Variants in MDGA2 observed in about 807,000 individuals in gnomAD.
The protein encoded by MDGA2 is MAM domain containing glycosylphosphatidylinositol anchor 2, also known as MAM domain-containing glycosylphosphatidylinositol anchor protein 2.
In MDGA2, 40 loss-of-function variants were observed where a neutral mutation model predicts 117.8. The ratio of observed to expected loss-of-function variants is 0.34; its 90% confidence interval spans 0.26 to 0.44. MDGA2 has a LOEUF of 0.44. MDGA2 is among the 20% of genes least tolerant of loss of function. The probability of loss-of-function intolerance (pLI) is 1.00; values close to 1 mark genes in which losing one functional copy is unlikely to be tolerated. For missense variants in MDGA2, 1,123 were observed against 1,250.6 expected (o/e 0.90, Z 1.54); for synonymous variants, 452 against 439.0 (o/e 1.03, Z -0.37).
At chr14:47,587,679 TTTTA>T (rs1896351401) in intron 1 of MDGA2, among the ~76,000 whole-genome samples, 1 of 151,964 alleles carries the variant, frequency 6.6e-6, no homozygotes. Context: ...TTGCCCTGAA[TTTTA>T]TTTTTTAACA....
At chr14:46,873,315 T>G (rs1882090398) in intron 14 of MDGA2, 118 bp downstream of exon 14, 2 of 890,694 alleles carry the variant, frequency 2.2e-6, no homozygotes, top group Middle Eastern at 2.8e-4. Flanking sequence ...ATAAATCATT[T>G]AAAAAGTGAA....
At chr14:47,177,297 C>G (rs935155594) in intron 3 of MDGA2, among the ~76,000 whole-genome samples, 1 of 152,276 alleles carries the variant, frequency 6.6e-6, no homozygotes, top group African/African-American at 2.4e-5. Flanking sequence ...CATCCCATTA[C>G]TGGGTATATA....
At chr14:47,244,010 T>A (rs1887157190) in intron 2 of MDGA2, among the ~76,000 whole-genome samples, 1 of 151,860 alleles carries the variant, frequency 6.6e-6, no homozygotes, top group African/African-American at 2.4e-5. Context: ...AATCTATTCC[T>A]ACCCCTGATG....
intron 1 of MDGA2, among the ~76,000 whole-genome samples, chr14:47,384,431 A>T (rs555845197): frequency 1.3e-5 from 2 of 151,994 alleles, no homozygotes; most frequent in South Asian, 4.2e-4. Context: ...TTCCTCAAGC[A>T]GCAGTTTTCC....
chr14:47,106,441 A>C (rs183776074), intron 5 of MDGA2, among the ~76,000 whole-genome samples: 8,640 of 151,328 alleles, frequency 0.057, 702 homozygotes, highest in East Asian at 0.45. Flanking sequence ...ACCTCCTCCC[A>C]CAGGAGCTTG....
chr14:47,210,517 T>C (rs893188073), intron 3 of MDGA2, among the ~76,000 whole-genome samples: 35 of 152,200 alleles, frequency 2.3e-4, no homozygotes, highest in Non-Finnish European at 4.4e-4. Context: ...TTAAATGTCC[T>C]CAAGAATCTT....
chr14:47,258,907 A>G (rs566664172), intron 2 of MDGA2, among the ~76,000 whole-genome samples: 23 of 152,180 alleles, frequency 1.5e-4, no homozygotes, highest in Admixed American at 5.2e-4. Context: ...CAAGCTACAA[A>G]AAGAATATAC....
chr14:47,148,023 A>G (rs1347819612), intron 3 of MDGA2, among the ~76,000 whole-genome samples: 1 of 152,128 alleles, frequency 6.6e-6, no homozygotes. Context: ...GACTCACTGC[A>G]TTAACTGGGT....
intron 1 of MDGA2, among the ~76,000 whole-genome samples, chr14:47,508,284 C>T (rs1306670651): frequency 1.3e-5 from 2 of 150,796 alleles, no homozygotes; most frequent in Non-Finnish European, 2.9e-5. Flanking sequence ...GAGCATGCTT[C>T]CTGTAAAAAT....
intron 10 of MDGA2, among the ~76,000 whole-genome samples, chr14:46,916,454 C>T (rs998875241): frequency 6.6e-6 from 1 of 151,266 alleles, no homozygotes; most frequent in African/African-American, 2.4e-5. Flanking sequence ...TCCATTAATG[C>T]CTTTGTTTCC....
chr14:47,022,189 A>G (rs988748545), intron 8 of MDGA2, among the ~76,000 whole-genome samples: 2 of 152,116 alleles, frequency 1.3e-5, no homozygotes, highest in African/African-American at 4.8e-5. Flanking sequence ...AGGCTCAGGT[A>G]AGTCTTCCAC....
chr14:47,018,180 C>G (rs1256222792), intron 8 of MDGA2, among the ~76,000 whole-genome samples: 1 of 151,108 alleles, frequency 6.6e-6, no homozygotes, highest in Non-Finnish European at 1.5e-5. Flanking sequence ...TTTAAAGAAA[C>G]GCCTTTATTA....
At chr14:47,209,299 T>C (rs1352723854) in intron 3 of MDGA2, among the ~76,000 whole-genome samples, 2 of 152,152 alleles carry the variant, frequency 1.3e-5, no homozygotes, top group Admixed American at 6.6e-5. Flanking sequence ...AGGTCATCAG[T>C]TAACATTGCA....
At chr14:47,335,734 T>TTATA (rs1555374514) in intron 1 of MDGA2, among the ~76,000 whole-genome samples, 1 of 48,028 alleles carries the variant, frequency 2.1e-5, no homozygotes, top group African/African-American at 7.4e-5. Flanking sequence ...CACATATATT[T>TTATA]TATATATATA....
chr14:47,480,019 T>A (rs1470885113), intron 1 of MDGA2, among the ~76,000 whole-genome samples: 1 of 152,120 alleles, frequency 6.6e-6, no homozygotes, highest in African/African-American at 2.4e-5. Context: ...GGTTCATCCC[T>A]TTCAAATTTC....
intron 3 of MDGA2, among the ~76,000 whole-genome samples, chr14:47,167,880 T>C (rs1883950600): frequency 6.6e-6 from 1 of 152,220 alleles, no homozygotes; most frequent in South Asian, 2.1e-4. Flanking sequence ...GACTGCTGCC[T>C]GTGTAATGTC....
At chr14:47,191,823 C>T (rs986375729) in intron 3 of MDGA2, among the ~76,000 whole-genome samples, 2 of 152,174 alleles carry the variant, frequency 1.3e-5, no homozygotes, top group Non-Finnish European at 2.9e-5. Context: ...CTTTTCTTCT[C>T]AGAGTCAGAA....
rs747449955 is a variant in MDGA2, at chr14:47,097,069, T to C, written c.980A>G (p.Glu327Gly). Residue 327 changes from glutamate to glycine, a missense_variant, in exon 6 of 17, where the codon GAG becomes GGG. This residue lies in a region of MDGA2 where 890 missense variants were observed against 1,050.3 expected (regional missense o/e 0.85). Coordinates refer to ENST00000399232, the MANE Select transcript of MDGA2 (RefSeq NM_001113498.3). ...TGTAACACATACTAATGTTATGGCC[T>C]CTCCAGGATTTACAACTATAGGATC... is the stretch of plus-strand genomic sequence containing the variant. Reference protein sequence around the residue: ...VDDPIVVNPGEAITLVCVTTG... With the variant: ...VDDPIVVNPGGAITLVCVTTG... 29 of 1,613,056 alleles carry C rather than the reference T, an allele frequency of 1.8e-5. No individual in the cohort carries two copies. The highest frequency in any genetic ancestry group is 2.2e-5 in the Non-Finnish European group (26 of 1,179,382).
At chr14:47,674,183 T>A (rs1251043391) in intron 1 of MDGA2, among the ~76,000 whole-genome samples, 1 of 151,948 alleles carries the variant, frequency 6.6e-6, no homozygotes, top group Non-Finnish European at 1.5e-5. Flanking sequence ...ACCGACACCG[T>A]GGCATGCAAG....
Sources: gnomAD v4.1 joint callset for allele counts (sites outside exome capture counted in the v4.1 genomes callset) on GRCh38, gnomAD v4.1.1 for gene constraint, gnomAD v4.1.1 regional missense constraint, MANE v1.5 for transcripts, NCBI Gene and HGNC (gene_info 2026-07-23, HGNC 2026-07-21) for gene names.